CHTF18: variants seen among roughly 807,000 people sequenced by gnomAD.
The protein encoded by CHTF18 is chromosome transmission fidelity factor 18.
Under a neutral mutation model 113.4 loss-of-function variants are expected in CHTF18, and 151 were observed. The observed-to-expected ratio is 1.33, with a 90% CI of 1.17 to 1.52. The LOEUF is 1.52. Among genes scored for constraint, CHTF18 ranks in the 40% most tolerant of loss-of-function variants. The probability of loss-of-function intolerance (pLI) is 0.00; values close to 1 mark genes in which losing one functional copy is unlikely to be tolerated. For missense variants in CHTF18, 1,982 were observed against 1,381.6 expected, an observed-to-expected ratio of 1.43 and a Z score of -6.89; for synonymous variants, 916 against 598.8, an observed-to-expected ratio of 1.53 and a Z score of -7.74.
intron 11 of CHTF18, 48 bp downstream of exon 11, chr16:792,638 G>A: frequency 1.3e-6 from 2 of 1,591,670 alleles, no homozygotes; most frequent in Non-Finnish European, 1.7e-6. Flanking sequence ...CTGGTGCCTG[G>A]AGGGAGGGTT....
rs1303135825 is a variant in CHTF18 at position 789,283 on chromosome 16, G to T, written c.360G>T (p.Pro120=). ...TCAGATCGGAGGAGATGGAGGAGCCGCCCCCTCCCGACTCCTCGCCGACGG... is the reference window on the plus strand; with the variant it reads ...TCAGATCGGAGGAGATGGAGGAGCCTCCCCCTCCCGACTCCTCGCCGACGG... ...LNFRSEEMEE[P]PPPDSSPTDI... Residue 120 remains proline (P), a synonymous_variant, in exon 3 of 22, where the codon CCG becomes CCT. Transcript: ENST00000262315. 1 of 1,581,678 alleles carries T rather than the reference G, an allele frequency of 6.3e-7. No individual in the cohort carries two copies.
chr16:792,680 C>G, intron 11 of CHTF18, 38 bp from the exon 12 acceptor site: 4 of 1,583,404 alleles, frequency 2.5e-6, no homozygotes, highest in Non-Finnish European at 3.4e-6. Flanking sequence ...GGCTGTGGTG[C>G]CAACCCTGGG....
intron 6 of CHTF18, 54 bp from the exon 7 acceptor site, chr16:790,471 G>C (rs1344566101): frequency 6.2e-6 from 10 of 1,608,672 alleles, no homozygotes; most frequent in Non-Finnish European, 8.5e-6. Flanking sequence ...CCTAGCGTGT[G>C]GGTTGGCATG....
intron 7 of CHTF18, chr16:790,911 A>C (rs1596751779): frequency 7.0e-7 from 1 of 1,431,808 alleles, no homozygotes; most frequent in Non-Finnish European, 9.1e-7. Flanking sequence ...TCCCTTTCCT[A>C]CCTTCACAGC....
chr16:791,023 G>T lies in CHTF18; in HGVS notation c.895-138G>T, dbSNP rs528615881. The T allele has an allele frequency of 1.8e-5, 27 of 1,475,780 alleles. 1 individual carries two copies. The African/African-American group carries it at 3.1e-4, about 17-fold the overall frequency. 91.4% of individuals were successfully genotyped at this position (1,475,780 alleles called of 1,614,324 possible). On this transcript the variant is annotated intron_variant, in intron 7 of 21. Transcript: ENST00000262315. ...CCTGGTGTGAGCCTTGCGGTCACTCGCTGGCAGGAAGACGGGGGTGGCCAT... is the reference window on the plus strand; with the variant it reads ...CCTGGTGTGAGCCTTGCGGTCACTCTCTGGCAGGAAGACGGGGGTGGCCAT...
intron 7 of CHTF18, 183 bp from the exon 8 acceptor site, chr16:790,978 A>G (rs2042180684): frequency 3.5e-6 from 5 of 1,447,082 alleles, no homozygotes; most frequent in South Asian, 2.9e-5. Context: ...GGTTGTGGCC[A>G]GAGCCGTGGG....
At chr16:792,929 C>T (rs2042239821) in intron 12 of CHTF18, 37 bp from the exon 13 acceptor site, 1 of 1,541,340 alleles carries the variant, frequency 6.5e-7, no homozygotes, top group African/African-American at 1.4e-5. Flanking sequence ...AAGGATGGGG[C>T]ATACCATCGG....
intron 8 of CHTF18, 61 bp from the exon 9 acceptor site, chr16:791,790 C>G: frequency 6.5e-7 from 1 of 1,533,270 alleles, no homozygotes; most frequent in South Asian, 1.2e-5. Flanking sequence ...TCCCTGGCTG[C>G]TAGGCCGGGA....
At position 796,719 on chromosome 16, in the gene CHTF18, A is replaced by G. The variant is rs1288916300; in HGVS notation, c.2459A>G (p.Asn820Ser). 3.8e-6 allele frequency: 6 copies of G among 1,599,044 alleles called. No homozygotes were observed. The highest frequency in any genetic ancestry group is 2.7e-5 in the African/African-American group (2 of 74,848). The change falls in exon 19 of 22, where the codon AAC (asparagine) becomes AGC (serine). Residue 820 changes from asparagine to serine, a missense_variant and splice_region_variant. Physicochemically the swap from Asn to Ser is conservative, Grantham distance 46. Coordinates refer to ENST00000262315, the MANE Select transcript of CHTF18 (RefSeq NM_022092.3). Reference protein sequence around the residue: ...DGQYIYRLEPNVEELCRFPEL... With the variant: ...DGQYIYRLEPSVEELCRFPEL... Reference sequence around the variant, plus strand: ...TGGTGTCCCCCTGTGCTGAGCAGGAACGTGGAGGAACTCTGCCGCTTCCCT... The same window carrying G: ...TGGTGTCCCCCTGTGCTGAGCAGGAGCGTGGAGGAACTCTGCCGCTTCCCT...
rs768047681 is a variant in CHTF18 at position 788,791 on chromosome 16, C to A, written c.91+16C>A. On this transcript the variant is annotated intron_variant, in intron 1 of 21. Coordinates refer to ENST00000262315, the MANE Select transcript of CHTF18 (RefSeq NM_022092.3). ...GAGCTGGAAGGTGGGGCGCGGCCCC[C>A]GGCCGTTGGGGAGGAGCTGCGAAAG... 8.2e-6 allele frequency: 13 copies of A among 1,582,776 alleles called. No homozygotes were observed. In the African/African-American group the frequency reaches 1.6e-4, roughly 20 times the overall value.
In CHTF18 at chr16:793,291, G is replaced by A; in HGVS notation, c.1802+17G>A. 2 of 1,604,842 alleles carry A rather than the reference G, an allele frequency of 1.2e-6. No individual in the cohort carries two copies. Among genetic ancestry groups the A allele is most frequent in the Non-Finnish European group, 1.7e-6 (2 of 1,177,628 alleles). On this transcript the variant is annotated intron_variant, in intron 14 of 21. Transcript: ENST00000262315. ...AGCCCAGAGGTAGGCGGTGGCCACA[G>A]CCTCGGCCCAGATGCTCACGGTGCC... is the stretch of plus-strand genomic sequence containing the variant.
intron 11 of CHTF18, 62 bp downstream of exon 11, chr16:792,652 GC>G: frequency 2.5e-6 from 4 of 1,590,638 alleles, no homozygotes; most frequent in Non-Finnish European, 1.7e-6. Flanking sequence ...GAGGGTTCCG[GC>G]CCGTCCCTGT....
At chr16:794,934 T>C in intron 15 of CHTF18, 198 bp from the exon 16 acceptor site, 1 of 581,414 alleles carries the variant, frequency 1.7e-6, no homozygotes, top group East Asian at 2.9e-5. Flanking sequence ...CCCGACCCCT[T>C]GGGCCCAGTG....
At position 797,041 on chromosome 16, in the gene CHTF18, C is replaced by T; in HGVS notation, c.2682C>T (p.Asn894=). Residue 894 remains asparagine, a synonymous_variant, in exon 20 of 22, where the codon AAC becomes AAT. Coordinates refer to ENST00000262315, the MANE Select transcript of CHTF18 (RefSeq NM_022092.3). ...EKGVHRPAPR[N]HEQRLEHIMR... is the part of the protein sequence containing the mutation. Reference sequence around the variant, plus strand: ...GGGTGCACCGACCTGCCCCACGCAACCATGAGCAGCGGCTGGAGCACATCA... The same window carrying T: ...GGGTGCACCGACCTGCCCCACGCAATCATGAGCAGCGGCTGGAGCACATCA... 6.4e-7 allele frequency: 1 copy of T among 1,561,606 alleles called. No homozygotes were observed. The highest frequency in any genetic ancestry group is 2.3e-5 in the East Asian group (1 of 43,928).
At position 789,334 on chromosome 16, in the gene CHTF18, G is replaced by A. The variant is rs761327025; in HGVS notation, c.411G>A (p.Glu137=). 11 of 1,601,088 alleles carry A rather than the reference G, an allele frequency of 6.9e-6. No individual in the cohort carries two copies. Among genetic ancestry groups the A allele is most frequent in the South Asian group, 2.2e-5 (2 of 89,134 alleles). The change falls in exon 3 of 22, where the codon GAG becomes GAA. Residue 137 remains glutamate (E), a synonymous_variant. Coordinates refer to ENST00000262315, the MANE Select transcript of CHTF18 (RefSeq NM_022092.3). ...ACATCACCCCGCCGCCGAGCCCTGA[G>A]GACCTCGCAGAGCTTTGGGGCCACG... ...PTDITPPPSP[E]DLAELWGHGV... is the part of the protein sequence containing the mutation.
intron 10 of CHTF18, 28 bp from the exon 11 acceptor site, chr16:792,411 C>T: frequency 6.4e-7 from 1 of 1,560,382 alleles, no homozygotes; most frequent in Non-Finnish European, 8.7e-7. Context: ...AGGGCCTGGA[C>T]TCACCGTGTC....
Position 789,364 on chromosome 16 carries a change from T to C in CHTF18, c.437+4T>C, listed in dbSNP as rs1488168853. The C allele has an allele frequency of 1.3e-6, 2 of 1,581,274 alleles. No individual in the cohort carries two copies. The highest frequency in any genetic ancestry group is 8.6e-7 in the Non-Finnish European group (1 of 1,165,150). ...TCGCAGAGCTTTGGGGCCACGGGTG[T>C]GTGGCTTGGACATGGGCGTCCCATC... On this transcript the variant is annotated splice_donor_region_variant and intron_variant, in intron 3 of 21. Transcript: ENST00000262315.
rs753417154 is a variant in CHTF18, at chr16:789,662, G to C, written c.553G>C (p.Gly185Arg). 1 of 1,604,006 alleles carries C rather than the reference G, an allele frequency of 6.2e-7. No individual in the cohort carries two copies. Among genetic ancestry groups the C allele is most frequent in the Non-Finnish European group, 8.5e-7 (1 of 1,179,622 alleles). The stretch of plus-strand genomic sequence containing the variant: ...CTACGTCCACGTGACATCCACGGAG[G>C]GCGTCCGGGCTTATCTGGTGCTGCG... Reference protein sequence around the residue: ...EDYVHVTSTEGVRAYLVLRAD... With the variant: ...EDYVHVTSTERVRAYLVLRAD... The change falls in exon 4 of 22, where the codon GGC (glycine) becomes CGC (arginine). Residue 185 changes from glycine to arginine, a missense_variant. Transcript: ENST00000262315.
In CHTF18 at chr16:797,036, C is replaced by T. The variant is rs769161758; in HGVS notation, c.2677C>T (p.Arg893Cys). The change falls in exon 20 of 22, where the codon CGC becomes TGC. Residue 893 changes from arginine (R) to cysteine (C), a missense_variant. Arg to Cys is a radical substitution (Grantham distance 180, BLOSUM62 -3). Transcript: ENST00000262315. ...GEKGVHRPAPRNHEQRLEHIM... is the reference protein window; with the variant it reads ...GEKGVHRPAPCNHEQRLEHIM... Reference sequence around the variant, plus strand: ...GAAAGGGGTGCACCGACCTGCCCCACGCAACCATGAGCAGCGGCTGGAGCA... The same window carrying T: ...GAAAGGGGTGCACCGACCTGCCCCATGCAACCATGAGCAGCGGCTGGAGCA... 2.6e-5 allele frequency: 40 copies of T among 1,561,760 alleles called. No individual in the cohort carries two copies. The highest frequency in any genetic ancestry group is 1.7e-4 in the Middle Eastern group (1 of 5,870).
Sources: gnomAD v4.1 joint callset for allele counts on GRCh38, gnomAD v4.1.1 for gene constraint, MANE v1.5 for transcripts, NCBI Gene and HGNC (gene_info 2026-07-23, HGNC 2026-07-21) for gene names.